The following ITPR1 variants were observed in gnomAD, a reference collection of about 807,000 sequenced individuals.
ITPR1 encodes the protein inositol 1,4,5-trisphosphate receptor type 1, also known as inositol 1,4,5-trisphosphate-gated calcium channel ITPR1.
In ITPR1, 96 loss-of-function variants were observed where a neutral mutation model predicts 318.4. The observed-to-expected ratio is 0.30, with a 90% CI of 0.26 to 0.36. ITPR1 has a LOEUF of 0.36. Ranked by LOEUF, ITPR1 falls within the 10% of genes least tolerant of loss-of-function variation. The probability of loss-of-function intolerance (pLI) is 1.00; values close to 1 mark genes in which losing one functional copy is unlikely to be tolerated. For missense variants in ITPR1, 2,440 were observed against 3,460.2 expected (o/e 0.71, Z 7.40); for synonymous variants, 1,312 against 1,289.9 (o/e 1.02, Z -0.37).
At chr3:4,537,991 C>T (rs1423590047) in intron 4 of ITPR1, among the ~76,000 whole-genome samples, 2 of 151,974 alleles carry the variant, frequency 1.3e-5, no homozygotes, top group African/African-American at 4.8e-5. Context: ...TTTATTAATT[C>T]TTTCTACGAT....
intron 60 of ITPR1, among the ~76,000 whole-genome samples, chr3:4,834,826 C>T (rs893088476): frequency 1.3e-5 from 2 of 152,110 alleles, no homozygotes; most frequent in Non-Finnish European, 2.9e-5. Flanking sequence ...GCCCATTGCT[C>T]TGTGGTGGGA....
At chr3:4,705,856 C>T (rs937082561) in intron 36 of ITPR1, among the ~76,000 whole-genome samples, 8 of 152,158 alleles carry the variant, frequency 5.3e-5, no homozygotes, top group African/African-American at 1.9e-4. Context: ...TACACACACA[C>T]CTCAGTGACC....
At chr3:4,833,747 A>C (rs1415041405) in intron 60 of ITPR1, among the ~76,000 whole-genome samples, 1 of 152,166 alleles carries the variant, frequency 6.6e-6, no homozygotes, top group Non-Finnish European at 1.5e-5. Context: ...AAATGCCCTC[A>C]TGCTTGCCCA....
chr3:4,534,866 A>G (rs944367745), intron 4 of ITPR1, among the ~76,000 whole-genome samples: 3 of 152,224 alleles, frequency 2.0e-5, no homozygotes, highest in African/African-American at 4.8e-5. Flanking sequence ...AAGGTAGGAA[A>G]TAGAATAACC....
intron 2 of ITPR1, among the ~76,000 whole-genome samples, chr3:4,505,473 A>G (rs1445193725): frequency 6.6e-6 from 1 of 152,226 alleles, no homozygotes; most frequent in East Asian, 1.9e-4. Flanking sequence ...GATGACAGGC[A>G]TGAGTCACTG....
chr3:4,697,039 G>C, intron 33 of ITPR1, 108 bp from the exon 34 acceptor site: 2 of 898,592 alleles, frequency 2.2e-6, no homozygotes, highest in South Asian at 1.8e-5. Flanking sequence ...CTTGGCAGTG[G>C]GGAATGGGAT....
rs75492772 is a variant in ITPR1 at position 4,718,543 on chromosome 3, A to G, written c.5136+1144A>G. On this transcript the variant is annotated intron_variant, in intron 40 of 61. Coordinates refer to ENST00000649015, the MANE Select transcript of ITPR1 (RefSeq NM_001378452.1). ...TGAATTTGGCACAGTTGCCTCCGGA[A>G]TGGAGCTCAGAGAGGCTAAGTGACT... Among the ~76,000 whole-genome samples the G allele has an allele frequency of 6.3e-3, 964 of 152,342 alleles. 9 individuals carry two copies. The highest frequency in any genetic ancestry group is 0.022 in the African/African-American group (910 of 41,578).
In ITPR1 at chr3:4,625,596, G is replaced by A. The variant is rs193278747; in HGVS notation, c.164-2167G>A. Reference sequence around the variant, plus strand: ...TTTTGAGACAGAGTCTGGCTCTGTCGCCCAGGCTGGAGTGCAGTGGTGTGA... The same window carrying A: ...TTTTGAGACAGAGTCTGGCTCTGTCACCCAGGCTGGAGTGCAGTGGTGTGA... On this transcript the variant is annotated intron_variant, in intron 4 of 61. Transcript: ENST00000649015. Among the ~76,000 whole-genome samples, 416 of 152,042 alleles carry A rather than the reference G, an allele frequency of 2.7e-3. 1 individual carries two copies. In the East Asian group the frequency reaches 0.029, roughly 11 times the overall value.
chr3:4,595,416 A>G (rs572199930), intron 4 of ITPR1, among the ~76,000 whole-genome samples: 2 of 152,318 alleles, frequency 1.3e-5, no homozygotes, highest in Admixed American at 1.3e-4. Context: ...AACGGCACTA[A>G]GGTGATGGTG....
At chr3:4,755,114 G>T (rs1349523443) in intron 44 of ITPR1, among the ~76,000 whole-genome samples, 12 of 151,932 alleles carry the variant, frequency 7.9e-5, no homozygotes, top group African/African-American at 2.9e-4. Context: ...GCTGGAAACA[G>T]TGGTTGCCAG....
chr3:4,548,802 C>A (rs1372949650), intron 4 of ITPR1, among the ~76,000 whole-genome samples: 1 of 152,182 alleles, frequency 6.6e-6, no homozygotes, highest in African/African-American at 2.4e-5. Flanking sequence ...TTCTTAGAAA[C>A]CCACATTCTC....
chr3:4,591,914 A>C (rs2090428582), intron 4 of ITPR1, among the ~76,000 whole-genome samples: 1 of 152,148 alleles, frequency 6.6e-6, no homozygotes, highest in South Asian at 2.1e-4. Context: ...TGTATTACAT[A>C]ATCAGACTTT....
At chr3:4,675,718 C>G (rs1215582677) in intron 23 of ITPR1, among the ~76,000 whole-genome samples, 2 of 152,142 alleles carry the variant, frequency 1.3e-5, no homozygotes, top group Non-Finnish European at 2.9e-5. Flanking sequence ...GTGAGAAGGA[C>G]AATCTGCCTT....
At chr3:4,640,456 T>C (rs898563623) in intron 6 of ITPR1, among the ~76,000 whole-genome samples, 1 of 152,270 alleles carries the variant, frequency 6.6e-6, no homozygotes, top group Admixed American at 6.5e-5. Context: ...TCCATCCTCT[T>C]CAGAATGGAC....
chr3:4,737,922 G>A (rs961628692), intron 44 of ITPR1, among the ~76,000 whole-genome samples: 6 of 152,158 alleles, frequency 3.9e-5, no homozygotes, highest in Non-Finnish European at 8.8e-5. Flanking sequence ...GACACGGATG[G>A]AGCTGGAGAC....
At chr3:4,806,330 T>C in intron 55 of ITPR1, 63 bp downstream of exon 55, 3 of 1,464,388 alleles carry the variant, frequency 2.0e-6, no homozygotes, top group South Asian at 2.3e-5. Flanking sequence ...CTATGTCCTC[T>C]CTCTCATCAC....
intron 4 of ITPR1, among the ~76,000 whole-genome samples, chr3:4,607,081 T>C (rs1481145700): frequency 6.6e-6 from 1 of 152,160 alleles, no homozygotes; most frequent in Admixed American, 6.5e-5. Flanking sequence ...CTCTGGATAT[T>C]TTCATGGGTG....
chr3:4,675,049 T>A lies in ITPR1; in HGVS notation c.2599-19T>A. 1 of 1,404,414 alleles carries A rather than the reference T, an allele frequency of 7.1e-7. No homozygotes were observed. Among genetic ancestry groups the A allele is most frequent in the Non-Finnish European group, 1.0e-6 (1 of 996,272 alleles). 87.0% of individuals were successfully genotyped at this position (1,404,414 alleles called of 1,614,324 possible). Reference sequence around the variant, plus strand: ...CAGTTTATGTAATACCGTCTTCTTCTTTTATTTTAATACAATAGGTTGTAA... The same window carrying A: ...CAGTTTATGTAATACCGTCTTCTTCATTTATTTTAATACAATAGGTTGTAA... On this transcript the variant is annotated intron_variant, in intron 22 of 61. Coordinates refer to ENST00000649015, the MANE Select transcript of ITPR1 (RefSeq NM_001378452.1).
In ITPR1 at chr3:4,639,455, T is replaced by C. The variant is rs760953296; in HGVS notation, c.351T>C (p.Tyr117=). The change falls in exon 6 of 62, where the codon TAT becomes TAC. Residue 117 remains tyrosine (Y), a synonymous_variant. Coordinates refer to ENST00000649015, the MANE Select transcript of ITPR1 (RefSeq NM_001378452.1). ...NRKLLGTVIQ[Y]GNVIQLLHLK... Reference sequence around the variant, plus strand: ...AATTGCTGGGGACCGTAATCCAGTATGGCAATGTGATCCAGGTAGGTCAAG... The same window carrying C: ...AATTGCTGGGGACCGTAATCCAGTACGGCAATGTGATCCAGGTAGGTCAAG... The C allele has an allele frequency of 4.4e-6, 7 of 1,580,472 alleles. No homozygotes were observed. The highest frequency in any genetic ancestry group is 2.3e-5 in the South Asian group (2 of 85,796).
Sources: gnomAD v4.1 joint callset for allele counts (sites outside exome capture counted in the v4.1 genomes callset) on GRCh38, gnomAD v4.1.1 for gene constraint, MANE v1.5 for transcripts, NCBI Gene and HGNC (gene_info 2026-07-23, HGNC 2026-07-21) for gene names.